Variants in SPAG16 observed in about 807,000 individuals in gnomAD.
SPAG16 encodes sperm associated antigen 16, also known as sperm-associated antigen 16 protein.
A neutral mutation model predicts 80.4 loss-of-function variants in SPAG16; 86 were observed. The ratio of observed to expected loss-of-function variants is 1.07; its 90% CI spans 0.90 to 1.28. SPAG16 has a LOEUF of 1.28. SPAG16 is among the 50% of genes most tolerant of loss of function. The probability of loss-of-function intolerance (pLI) is 0.00; values close to 1 mark genes in which losing one functional copy is unlikely to be tolerated. For missense variants in SPAG16, 870 were observed against 765.3 expected (o/e 1.14, Z -1.61); for synonymous variants, 294 against 265.9 (o/e 1.11, Z -1.03).
At chr2:214,115,317 A>T (rs1054271063) in intron 14 of SPAG16, among the ~76,000 whole-genome samples, 10 of 152,350 alleles carry the variant, frequency 6.6e-5, no homozygotes, top group African/African-American at 2.2e-4. Context: ...AGTTGTATTT[A>T]AAAAATCCAT....
chr2:213,385,247 T>C (rs1163050348), intron 9 of SPAG16, among the ~76,000 whole-genome samples: 2 of 152,198 alleles, frequency 1.3e-5, no homozygotes, highest in Non-Finnish European at 2.9e-5. Flanking sequence ...GAATGTAGCA[T>C]TGGCTTTTCT....
chr2:213,869,907 T>C (rs557023282), intron 11 of SPAG16, among the ~76,000 whole-genome samples: 1 of 152,312 alleles, frequency 6.6e-6, no homozygotes, highest in South Asian at 2.1e-4. Flanking sequence ...GGAGAGGATC[T>C]TTAGACATAT....
intron 6 of SPAG16, among the ~76,000 whole-genome samples, chr2:213,346,860 C>G (rs1398868206): frequency 6.6e-6 from 1 of 150,562 alleles, no homozygotes; most frequent in East Asian, 1.9e-4. Context: ...TTTGTTGTGT[C>G]TCTGCCAGGC....
chr2:213,676,992 G>A (rs1241579773), intron 10 of SPAG16, among the ~76,000 whole-genome samples: 1 of 151,386 alleles, frequency 6.6e-6, no homozygotes, highest in African/African-American at 2.4e-5. Flanking sequence ...GGTAGAATTC[G>A]GCTGTGAATC....
At chr2:213,449,786 TA>T (rs1363137093) in intron 9 of SPAG16, among the ~76,000 whole-genome samples, 1 of 151,912 alleles carries the variant, frequency 6.6e-6, no homozygotes, top group Non-Finnish European at 1.5e-5. Flanking sequence ...CCTGTGAACC[TA>T]AAATAAGGTT....
At chr2:213,679,569 C>G (rs540123085) in intron 10 of SPAG16, among the ~76,000 whole-genome samples, 101 of 152,130 alleles carry the variant, frequency 6.6e-4, no homozygotes, top group Middle Eastern at 3.4e-3. Context: ...TTCCCACTTC[C>G]TACTTATTTT....
At chr2:213,973,920 C>T (rs2045220598) in intron 12 of SPAG16, among the ~76,000 whole-genome samples, 1 of 152,082 alleles carries the variant, frequency 6.6e-6, no homozygotes, top group Admixed American at 6.6e-5. Flanking sequence ...GACGGACCCT[C>T]AAGAATTTGA....
intron 10 of SPAG16, among the ~76,000 whole-genome samples, chr2:213,605,298 G>C (rs143524193): frequency 7.0e-6 from 1 of 142,728 alleles, no homozygotes; most frequent in African/African-American, 2.6e-5. Flanking sequence ...ATGGAGTCTC[G>C]CACTGTCACC....
chr2:213,642,807 C>T lies in SPAG16; in HGVS notation c.1070+152717C>T, dbSNP rs369828906. Among the ~76,000 whole-genome samples the T allele has an allele frequency of 9.4e-4, 2 of 2,128 alleles. 1 individual carries two copies. Among genetic ancestry groups the T allele is most frequent in the Admixed American group, 0.01 (2 of 200 alleles). The allele number at this position is 2,128 out of a possible 152,430, so 1.4% of individuals were successfully genotyped here. A position where few individuals can be genotyped will look rare whatever the true frequency, so the allele number is the denominator to read the frequency against. On this transcript the variant is annotated intron_variant, in intron 10 of 15. Transcript: ENST00000331683. ...CTGCACTCCAGCCTGGGCGACAGAG[C>T]GAGACTCTGTCTCAAAAAAAAAAAA...
rs544145572 is a variant in SPAG16, at chr2:213,288,910, CA to C, written c.136+4294del. On this transcript the variant is annotated intron_variant, in intron 1 of 15. Transcript: ENST00000331683. ...AGAACATACATACCCCGTGTATATT[CA>C]AATGAAAAGGATACACAACCTGCAT... 6.0e-3 allele frequency among the ~76,000 whole-genome samples: 916 copies of C among 152,112 alleles called. 16 individuals are homozygous for C. The highest frequency in any genetic ancestry group is 0.021 in the African/African-American group (867 of 41,478).
chr2:213,613,785 G>A (rs1311528163), intron 10 of SPAG16, among the ~76,000 whole-genome samples: 1 of 152,058 alleles, frequency 6.6e-6, no homozygotes, highest in Non-Finnish European at 1.5e-5. Flanking sequence ...CATAATAGAT[G>A]CTAAGCAGTA....
At chr2:213,595,357 CTA>C (rs1274090206) in intron 10 of SPAG16, among the ~76,000 whole-genome samples, 1 of 152,004 alleles carries the variant, frequency 6.6e-6, no homozygotes, top group Non-Finnish European at 1.5e-5. Context: ...ATTTCTTTGG[CTA>C]AGTAGAATAA....
chr2:214,268,833 T>C (rs114539325), intron 15 of SPAG16, among the ~76,000 whole-genome samples: 1 of 151,896 alleles, frequency 6.6e-6, no homozygotes, highest in Admixed American at 6.6e-5. Flanking sequence ...GATTTCTGCA[T>C]TAATACAGGC....
At chr2:213,635,816 ATTTG>A (rs1316641447) in intron 10 of SPAG16, among the ~76,000 whole-genome samples, 1 of 151,818 alleles carries the variant, frequency 6.6e-6, no homozygotes, top group African/African-American at 2.4e-5. Flanking sequence ...TTTCATGCTG[ATTTG>A]TTTGAGTTCC....
intron 10 of SPAG16, among the ~76,000 whole-genome samples, chr2:213,731,749 A>G (rs966726459): frequency 6.6e-6 from 1 of 152,100 alleles, no homozygotes; most frequent in African/African-American, 2.4e-5. Flanking sequence ...GCTAAGTATA[A>G]TGTCCTCCAG....
intron 11 of SPAG16, among the ~76,000 whole-genome samples, chr2:213,899,325 G>C (rs1255879195): frequency 2.6e-5 from 4 of 152,090 alleles, no homozygotes; most frequent in Non-Finnish European, 5.9e-5. Context: ...ATAATGCCAA[G>C]GATGATATCC....
intron 15 of SPAG16, among the ~76,000 whole-genome samples, chr2:214,315,821 T>C (rs1241146942): frequency 6.6e-6 from 1 of 152,224 alleles, no homozygotes; most frequent in Non-Finnish European, 1.5e-5. Context: ...CATGAGCCAC[T>C]GCACCTGGCC....
At chr2:214,379,249 G>C (rs979793666) in intron 15 of SPAG16, among the ~76,000 whole-genome samples, 4 of 152,162 alleles carry the variant, frequency 2.6e-5, no homozygotes, top group African/African-American at 9.7e-5. Context: ...AACCAACTCT[G>C]TAGTCAAAGT....
intron 5 of SPAG16, 110 bp downstream of exon 5, chr2:213,317,466 A>T: frequency 1.2e-5 from 16 of 1,359,586 alleles, no homozygotes; most frequent in Non-Finnish European, 1.5e-5. Flanking sequence ...TGAAAACTGA[A>T]TTTTTCTAGT....
Sources: gnomAD v4.1 joint callset for allele counts (sites outside exome capture counted in the v4.1 genomes callset) on GRCh38, gnomAD v4.1.1 for gene constraint, MANE v1.5 for transcripts, NCBI Gene and HGNC (gene_info 2026-07-23, HGNC 2026-07-21) for gene names.